Variants in LRRTM4 observed in about 807,000 individuals in gnomAD.
LRRTM4 encodes the protein leucine-rich repeat transmembrane neuronal protein 4.
Under a neutral mutation model 47.6 loss-of-function variants are expected in LRRTM4, and 25 were observed. The ratio of observed to expected loss-of-function variants is 0.53; its 90% CI spans 0.38 to 0.73. The LOEUF (loss-of-function observed/expected upper bound fraction) is 0.73, where lower values mean the gene tolerates loss of function less well. LRRTM4 is among the 30% of genes least tolerant of loss of function. LRRTM4 has a pLI of 0.00. For missense variants in LRRTM4, 638 were observed against 713.4 expected, an observed-to-expected ratio of 0.89 and a Z score of 1.20; for synonymous variants, 311 against 269.5, an observed-to-expected ratio of 1.15 and a Z score of -1.51.
At position 77,147,430 on chromosome 2, in the gene LRRTM4, C is replaced by G. The variant is rs183100416; in HGVS notation, c.1551+370888G>C. The stretch of plus-strand genomic sequence containing the variant: ...GCAGAATTAATGGCACAGTGTTTCT[C>G]TGTGGACTCCAAGGGGTTTATTTTC... On this transcript the variant is annotated intron_variant, in intron 3 of 3. Transcript: ENST00000409884. Among the ~76,000 whole-genome samples, 316 of 152,232 alleles carry G rather than the reference C, an allele frequency of 2.1e-3. 5 individuals carry two copies. Among genetic ancestry groups the G allele is most frequent in the African/African-American group, 7.4e-3 (306 of 41,558 alleles).
chr2:77,140,557 A>ATACCT (rs570400995), intron 3 of LRRTM4, among the ~76,000 whole-genome samples: 51,897 of 150,310 alleles, frequency 0.35, 9,274 homozygotes, highest in African/African-American at 0.51. Context: ...TTCAGGACAT[A>ATACCT]GGCATGGGCA....
intron 3 of LRRTM4, among the ~76,000 whole-genome samples, chr2:76,874,338 G>C (rs189478985): frequency 6.6e-6 from 1 of 151,986 alleles, no homozygotes; most frequent in Admixed American, 6.6e-5. Context: ...TAATTTGTCT[G>C]AATCTTTTCT....
intron 3 of LRRTM4, among the ~76,000 whole-genome samples, chr2:76,786,692 C>G (rs1197667657): frequency 1.3e-5 from 2 of 151,950 alleles, no homozygotes; most frequent in Non-Finnish European, 2.9e-5. Flanking sequence ...TTCTTTGATT[C>G]CTGCTTTCTA....
At chr2:77,056,256 A>G (rs1679605301) in intron 3 of LRRTM4, among the ~76,000 whole-genome samples, 1 of 152,202 alleles carries the variant, frequency 6.6e-6, no homozygotes, top group African/African-American at 2.4e-5. Flanking sequence ...AGAGAGACCA[A>G]TAAATGCATT....
chr2:77,157,602 T>C (rs1672593741), intron 3 of LRRTM4, among the ~76,000 whole-genome samples: 1 of 152,132 alleles, frequency 6.6e-6, no homozygotes, highest in Non-Finnish European at 1.5e-5. Context: ...TTGATATACT[T>C]GCGGTCAGAG....
chr2:76,784,277 T>C (rs1476139101), intron 3 of LRRTM4, among the ~76,000 whole-genome samples: 1 of 152,088 alleles, frequency 6.6e-6, no homozygotes. Flanking sequence ...AGCGATGCTT[T>C]ATAATCCTAT....
intron 3 of LRRTM4, chr2:77,517,050 T>C: frequency 1.0e-6 from 1 of 984,984 alleles, no homozygotes; most frequent in Non-Finnish European, 1.2e-6. Flanking sequence ...ATTGCCAGAA[T>C]TTAACCTCTC....
At chr2:77,045,142 G>A (rs1679191675) in intron 3 of LRRTM4, among the ~76,000 whole-genome samples, 1 of 151,868 alleles carries the variant, frequency 6.6e-6, no homozygotes, top group Non-Finnish European at 1.5e-5. Context: ...CACAAATCTA[G>A]TAACTCTACA....
At chr2:77,462,037 T>C (rs1348230001) in intron 3 of LRRTM4, among the ~76,000 whole-genome samples, 1 of 152,106 alleles carries the variant, frequency 6.6e-6, no homozygotes, top group African/African-American at 2.4e-5. Flanking sequence ...AGAGTCTTTT[T>C]TTATCCTAGT....
intron 3 of LRRTM4, among the ~76,000 whole-genome samples, chr2:76,938,716 T>C (rs1256420485): frequency 6.6e-6 from 1 of 152,136 alleles, no homozygotes; most frequent in Non-Finnish European, 1.5e-5. Context: ...ACTTCTGTAA[T>C]TGTTTCATCA....
intron 3 of LRRTM4, among the ~76,000 whole-genome samples, chr2:77,499,711 C>T (rs1270468141): frequency 1.3e-5 from 2 of 151,864 alleles, no homozygotes; most frequent in African/African-American, 4.8e-5. Flanking sequence ...ATTTTGAATG[C>T]TTTCATAGAC....
chr2:77,140,620 C>G (rs1672093747), intron 3 of LRRTM4, among the ~76,000 whole-genome samples: 1 of 152,090 alleles, frequency 6.6e-6, no homozygotes. Flanking sequence ...CCAAAATTGA[C>G]AAATGGGATC....
chr2:77,145,841 C>T (rs1672245910), intron 3 of LRRTM4, among the ~76,000 whole-genome samples: 1 of 151,530 alleles, frequency 6.6e-6, no homozygotes, highest in Non-Finnish European at 1.5e-5. Context: ...GCTTAAGTGG[C>T]AGAAGGCAAT....
rs145166910 is a variant in LRRTM4 at position 77,167,521 on chromosome 2, T to G, written c.1551+350797A>C. Among the ~76,000 whole-genome samples the G allele has an allele frequency of 2.3e-3, 348 of 152,342 alleles. 1 individual carries two copies. Among genetic ancestry groups the G allele is most frequent in the African/African-American group, 7.7e-3 (322 of 41,582 alleles). ...TGCATACGTATGTTTATTGAGGCAC[T>G]GTTCACAATAGCAAAGACTTGGAAC... On this transcript the variant is annotated intron_variant, in intron 3 of 3. Coordinates refer to ENST00000409884, the MANE Select transcript of LRRTM4 (RefSeq NM_001134745.3).
chr2:76,763,914 T>C (rs905279164), intron 3 of LRRTM4, among the ~76,000 whole-genome samples: 7 of 152,158 alleles, frequency 4.6e-5, no homozygotes, highest in African/African-American at 1.7e-4. Context: ...AGAGAAGATA[T>C]AAACAATCAT....
At chr2:77,472,669 C>T (rs950765566) in intron 3 of LRRTM4, among the ~76,000 whole-genome samples, 1 of 152,106 alleles carries the variant, frequency 6.6e-6, no homozygotes, top group African/African-American at 2.4e-5. Context: ...GTTGTAGGGG[C>T]TACTGCGTGC....
chr2:76,940,711 G>A (rs542713340), intron 3 of LRRTM4, among the ~76,000 whole-genome samples: 5 of 152,184 alleles, frequency 3.3e-5, no homozygotes, highest in Admixed American at 1.3e-4. Context: ...TAGATTGTAC[G>A]TACTATGTAC....
chr2:76,950,767 T>C (rs1675467913), intron 3 of LRRTM4, among the ~76,000 whole-genome samples: 1 of 151,992 alleles, frequency 6.6e-6, no homozygotes, highest in Non-Finnish European at 1.5e-5. Context: ...ATAAAACAGA[T>C]ACTCAAGAGC....
At chr2:77,220,452 C>T (rs1037885013) in intron 3 of LRRTM4, among the ~76,000 whole-genome samples, 1 of 152,100 alleles carries the variant, frequency 6.6e-6, no homozygotes, top group African/African-American at 2.4e-5. Context: ...AAGTTAAAAA[C>T]GTTGAAAAAA....
Sources: allele counts gnomAD v4.1 joint callset (sites outside exome capture counted in the v4.1 genomes callset), GRCh38; gene constraint gnomAD v4.1.1; transcripts MANE v1.5; gene names NCBI Gene and HGNC (gene_info 2026-07-23, HGNC 2026-07-21).